Variants in JMJD1C observed in about 807,000 individuals in gnomAD.
The protein encoded by JMJD1C is jumonji domain containing 1C.
In JMJD1C, 31 loss-of-function variants were observed where a neutral mutation model predicts 245.3. That is an observed-to-expected ratio of 0.13 (90% confidence interval 0.09 to 0.17). The LOEUF is 0.17. JMJD1C is among the 10% of genes least tolerant of loss of function. The pLI is 1.00. For synonymous variants in JMJD1C, 1,057 were observed against 1,017.4 expected (o/e 1.04, Z -0.74); for missense variants, 2,691 against 3,000.2 (o/e 0.90, Z 2.41).
chr10:63,253,725 G>A lies in JMJD1C; in HGVS notation c.447+10926C>T, dbSNP rs1044631855. 9.2e-5 allele frequency among the ~76,000 whole-genome samples: 14 copies of A among 152,172 alleles called. No individual in the cohort carries two copies. The East Asian group carries it at 1.2e-3, about 13-fold the overall frequency. The stretch of plus-strand genomic sequence containing the variant: ...TATGGTGTAATACTGCACCAGGCGC[G>A]GTGGTATTTAACCAACCGTGATGTC... On this transcript the variant is annotated intron_variant, in intron 3 of 25. Coordinates refer to ENST00000399262, the MANE Select transcript of JMJD1C (RefSeq NM_032776.3).
At chr10:63,441,121 G>A (rs1396000922) in intron 1 of JMJD1C, among the ~76,000 whole-genome samples, 10 of 152,172 alleles carry the variant, frequency 6.6e-5, no homozygotes, top group African/African-American at 9.7e-5. Flanking sequence ...GAAAAAGGCC[G>A]TGTGTAAAAC....
chr10:63,350,104 C>T (rs1390186183), intron 2 of JMJD1C, among the ~76,000 whole-genome samples: 6 of 152,106 alleles, frequency 3.9e-5, no homozygotes, highest in African/African-American at 1.2e-4. Flanking sequence ...ATGATTTTCT[C>T]ACTTCTCTAT....
At position 63,207,209 on chromosome 10, in the gene JMJD1C, G is replaced by A; in HGVS notation, c.4460C>T (p.Ala1487Val). The change falls in exon 10 of 26, where the codon GCA (alanine) becomes GTA (valine). Residue 1487 changes from alanine to valine, a missense_variant. This residue lies in a region of JMJD1C where 1,562 missense variants were observed against 1,490.7 expected (regional missense o/e 1.05). Coordinates refer to ENST00000399262, the MANE Select transcript of JMJD1C (RefSeq NM_032776.3). ...TDFIHLKKHK[A>V]ALAAAQYKSS... ...TTTATACTGAGCTGCAGCCAATGCT[G>A]CCTTGTGCTTTTTTAAATGGATAAA... is the stretch of plus-strand genomic sequence containing the variant. 1.2e-6 allele frequency: 2 copies of A among 1,614,194 alleles called. No homozygotes were observed. Among genetic ancestry groups the A allele is most frequent in the Middle Eastern group, 3.3e-4 (2 of 6,062 alleles).
At chr10:63,222,174 T>C in intron 3 of JMJD1C, 1 of 748,006 alleles carries the variant, frequency 1.3e-6, no homozygotes, top group South Asian at 1.3e-5. Context: ...TTCAAGTTTA[T>C]CGATATTGTT....
chr10:63,333,130 A>G (rs536781512), intron 2 of JMJD1C, among the ~76,000 whole-genome samples: 1 of 152,308 alleles, frequency 6.6e-6, no homozygotes, highest in South Asian at 2.1e-4. Context: ...AAATTAATAG[A>G]TTCTTAGCAT....
chr10:63,230,139 G>A (rs1236955538), intron 3 of JMJD1C, among the ~76,000 whole-genome samples: 1 of 152,198 alleles, frequency 6.6e-6, no homozygotes, highest in Non-Finnish European at 1.5e-5. Context: ...TTGGGAGGCT[G>A]AGGTGGGCAG....
At chr10:63,508,109 G>A (rs1003791710) in intron 1 of JMJD1C, among the ~76,000 whole-genome samples, 2 of 151,996 alleles carry the variant, frequency 1.3e-5, no homozygotes, top group Non-Finnish European at 2.9e-5. Context: ...TCTTATCAAT[G>A]ACTTTCTAGA....
At chr10:63,286,677 GA>G (rs1858017845) in intron 2 of JMJD1C, among the ~76,000 whole-genome samples, 1 of 152,030 alleles carries the variant, frequency 6.6e-6, no homozygotes, top group African/African-American at 2.4e-5. Flanking sequence ...TTTCAAATAC[GA>G]AAAATCTAGG....
chr10:63,357,094 C>T (rs985338504), intron 2 of JMJD1C, among the ~76,000 whole-genome samples: 5 of 151,452 alleles, frequency 3.3e-5, no homozygotes, highest in African/African-American at 7.3e-5. Flanking sequence ...AGTGCAGTGG[C>T]GCGACCTCAG....
intron 3 of JMJD1C, among the ~76,000 whole-genome samples, chr10:63,224,578 G>C (rs1849018971): frequency 6.6e-6 from 1 of 152,000 alleles, no homozygotes; most frequent in African/African-American, 2.4e-5. Context: ...AGCCAAATAG[G>C]TTTTTTATAT....
chr10:63,414,806 C>G (rs1365218795), intron 1 of JMJD1C, among the ~76,000 whole-genome samples: 1 of 151,686 alleles, frequency 6.6e-6, no homozygotes. Flanking sequence ...ACTCGGGTGG[C>G]TGAGACAGGA....
At chr10:63,193,305 A>G in intron 15 of JMJD1C, 40 bp downstream of exon 15, 1 of 1,553,072 alleles carries the variant, frequency 6.4e-7, no homozygotes, top group East Asian at 2.2e-5. Flanking sequence ...GACTAATTTA[A>G]CCACAGATTT....
At chr10:63,478,789 C>T (rs990265594) in intron 1 of JMJD1C, among the ~76,000 whole-genome samples, 16 of 152,228 alleles carry the variant, frequency 1.1e-4, no homozygotes, top group Admixed American at 1.0e-3. Context: ...GCATGGCTGA[C>T]CTTAGTCTCC....
intron 1 of JMJD1C, among the ~76,000 whole-genome samples, chr10:63,440,385 G>T (rs1951314004): frequency 6.7e-6 from 1 of 150,258 alleles, no homozygotes; most frequent in Admixed American, 6.6e-5. Context: ...GAGAGAGAGA[G>T]AGAGCGCAAG....
intron 2 of JMJD1C, among the ~76,000 whole-genome samples, chr10:63,303,642 A>C (rs1015333991): frequency 3.3e-5 from 5 of 152,160 alleles, no homozygotes; most frequent in Non-Finnish European, 7.3e-5. Flanking sequence ...GCTAAATGAC[A>C]ACCTCACGTA....
chr10:63,183,657 C>G, intron 21 of JMJD1C, 88 bp from the exon 22 acceptor site: 2 of 725,314 alleles, frequency 2.8e-6, no homozygotes, highest in Non-Finnish European at 2.1e-6. Flanking sequence ...GCTCGATCTG[C>G]ATAATTTAAT....
intron 1 of JMJD1C, among the ~76,000 whole-genome samples, chr10:63,422,320 G>A (rs1236717111): frequency 2.0e-5 from 3 of 152,182 alleles, no homozygotes; most frequent in Non-Finnish European, 4.4e-5. Flanking sequence ...GCTGAGGCAG[G>A]AGAATCGCTT....
chr10:63,359,743 A>G (rs1172915900), intron 2 of JMJD1C, among the ~76,000 whole-genome samples: 1 of 152,192 alleles, frequency 6.6e-6, no homozygotes, highest in Non-Finnish European at 1.5e-5. Flanking sequence ...CAGAAATGCT[A>G]ATCAAAATAT....
At chr10:63,474,061 A>T (rs572914016) in intron 1 of JMJD1C, among the ~76,000 whole-genome samples, 2 of 151,976 alleles carry the variant, frequency 1.3e-5, no homozygotes, top group South Asian at 4.2e-4. Context: ...AGAAAAGAAA[A>T]AAAGAAATAA....
Sources: allele counts gnomAD v4.1 joint callset (sites outside exome capture counted in the v4.1 genomes callset), GRCh38; gene constraint gnomAD v4.1.1; regional missense constraint gnomAD v4.1.1; transcripts MANE v1.5; gene names NCBI Gene and HGNC (gene_info 2026-07-23, HGNC 2026-07-21).